Variants in LRRC37A2 observed in about 807,000 individuals in gnomAD.
The protein encoded by LRRC37A2 is leucine rich repeat containing 37 member A2, also known as leucine-rich repeat-containing protein 37A2.
In LRRC37A2, 9 loss-of-function variants were observed where a neutral mutation model predicts 68.8. That is an observed-to-expected ratio of 0.13 (90% CI 0.08 to 0.23). The LOEUF is 0.23. Among genes scored for constraint, LRRC37A2 ranks in the 10% least tolerant of loss-of-function variants. The pLI is 1.00. For synonymous variants in LRRC37A2, 63 were observed against 367.6 expected, an observed-to-expected ratio of 0.17 and a Z score of 9.48; for missense variants, 168 against 950.4, an observed-to-expected ratio of 0.18 and a Z score of 10.82.
chr17:46,776,861 C>CG, the LRRC37A2 span, among the ~76,000 whole-genome samples: 1 of 152,122 alleles, frequency 6.6e-6, no homozygotes, highest in African/African-American at 2.4e-5. Flanking sequence ...ACTCGGAGAC[C>CG]CTTCCTCTGC....
intron 11 of LRRC37A2, chr17:46,553,109 G>A (rs1040031842): frequency 5.1e-6 from 2 of 388,630 alleles, no homozygotes; most frequent in African/African-American, 5.5e-5. Context: ...GTATAGGGGG[G>A]ATGCGTGTTG....
the LRRC37A2 span, chr17:46,773,791 G>A: frequency 6.2e-7 from 1 of 1,613,558 alleles, no homozygotes. Flanking sequence ...GCCACGCTGG[G>A]CATGATCTCG....
At chr17:47,042,327 A>AT in the LRRC37A2 span, among the ~76,000 whole-genome samples, 1 of 146,928 alleles carries the variant, frequency 6.8e-6, no homozygotes, top group African/African-American at 2.5e-5. Flanking sequence ...AACAGCTGGA[A>AT]TTACAGGCAA....
the LRRC37A2 span, among the ~76,000 whole-genome samples, chr17:46,963,450 T>TACAAGAATTGCTTGAACCTGGG: frequency 6.6e-6 from 1 of 151,314 alleles, no homozygotes; most frequent in Non-Finnish European, 1.5e-5. Context: ...GAGGCTGAGT[T>TACAAGAATTGCTTGAACCTGGG]ACAAGAATTG....
rs541043973 is a variant in LRRC37A2, at chr17:46,550,801, C to A, written c.4809+282C>A. ...TTTCTCCCACCCAAAACTATGTCAA[C>A]AATTGGATGTACTCATCAAGTCACC... On this transcript the variant is annotated intron_variant, in intron 11 of 14. Coordinates refer to ENST00000576629, the Ensembl canonical transcript of LRRC37A2. 8.3e-5 allele frequency among the ~76,000 whole-genome samples: 9 copies of A among 108,276 alleles called. 2 individuals carry two copies. Among genetic ancestry groups the A allele is most frequent in the African/African-American group, 2.4e-4 (7 of 28,758 alleles). The allele number at this position is 108,276 out of a possible 152,430, so 71.0% of individuals were successfully genotyped here. A position where few individuals can be genotyped will look rare whatever the true frequency, so the allele number is the denominator to read the frequency against.
chr17:46,575,083 C>T, the LRRC37A2 span, among the ~76,000 whole-genome samples: 3 of 82,452 alleles, frequency 3.6e-5, no homozygotes, highest in Admixed American at 1.2e-4. Flanking sequence ...GGTGACAGAG[C>T]GAGACTCTAT....
At chr17:46,456,089 T>A in the LRRC37A2 span, among the ~76,000 whole-genome samples, 1 of 91,510 alleles carries the variant, frequency 1.1e-5, no homozygotes, top group African/African-American at 4.1e-5. Flanking sequence ...TGAAAACATA[T>A]GGTATTTGAT....
At chr17:47,001,580 ACAAT>A in the LRRC37A2 span, among the ~76,000 whole-genome samples, 5 of 152,136 alleles carry the variant, frequency 3.3e-5, no homozygotes, top group African/African-American at 1.2e-4. Context: ...AATCATTATC[ACAAT>A]CAAGATAGTG....
chr17:46,937,860 A>C, the LRRC37A2 span: 1 of 152,502 alleles, frequency 6.6e-6, no homozygotes, highest in Non-Finnish European at 1.5e-5. Flanking sequence ...CATTGTTTTC[A>C]GTATGTATTT....
chr17:46,838,085 C>A, the LRRC37A2 span, among the ~76,000 whole-genome samples: 2 of 152,148 alleles, frequency 1.3e-5, no homozygotes, highest in African/African-American at 4.8e-5. Flanking sequence ...TTTGCATTTT[C>A]TGCCCCCTCT....
chr17:46,946,460 TCAA>T, the LRRC37A2 span, among the ~76,000 whole-genome samples: 1 of 63,602 alleles, frequency 1.6e-5, no homozygotes. Flanking sequence ...AAACTCCGTC[TCAA>T]AAAAAAAAAA....
At chr17:46,726,599 C>T in the LRRC37A2 span, 2 of 1,613,908 alleles carry the variant, frequency 1.2e-6, no homozygotes, top group South Asian at 1.1e-5. Context: ...TTGTGGATGA[C>T]ATTGAGAGAT....
the LRRC37A2 span, among the ~76,000 whole-genome samples, chr17:46,980,316 T>C: frequency 6.6e-6 from 1 of 151,602 alleles, no homozygotes; most frequent in Non-Finnish European, 1.5e-5. Context: ...TTTCTTTCCT[T>C]CTTCTTCCTT....
the LRRC37A2 span, among the ~76,000 whole-genome samples, chr17:46,839,955 TC>T: frequency 4.3e-4 from 64 of 150,408 alleles, no homozygotes; most frequent in Middle Eastern, 3.4e-3. Flanking sequence ...TTTCTTTCTT[TC>T]TTTCTTTCTT....
At chr17:46,858,618 C>T in the LRRC37A2 span, among the ~76,000 whole-genome samples, 1 of 152,142 alleles carries the variant, frequency 6.6e-6, no homozygotes, top group South Asian at 2.1e-4. Context: ...TTGCAGTTTA[C>T]AAATCACTTT....
chr17:46,679,323 G>A, the LRRC37A2 span, among the ~76,000 whole-genome samples: 3 of 139,976 alleles, frequency 2.1e-5, no homozygotes, highest in South Asian at 7.3e-4. Context: ...GATGTATTTT[G>A]CAATTAAAAG....
chr17:46,939,214 T>C, the LRRC37A2 span: 1 of 1,073,326 alleles, frequency 9.3e-7, no homozygotes, highest in Non-Finnish European at 1.1e-6. Context: ...CTCACAGCCA[T>C]TATATTAAAT....
the LRRC37A2 span, among the ~76,000 whole-genome samples, chr17:46,734,041 C>T: frequency 3.3e-5 from 5 of 152,310 alleles, no homozygotes; most frequent in South Asian, 8.3e-4. Flanking sequence ...TTGTTTTTAA[C>T]ATCAGCAGTC....
chr17:46,923,159 C>T, the LRRC37A2 span: 12 of 1,412,708 alleles, frequency 8.5e-6, no homozygotes, highest in Non-Finnish European at 9.8e-6. Context: ...CCGAGGAAGC[C>T]AGAGCCGGAG....
Sources: allele counts gnomAD v4.1 joint callset (sites outside exome capture counted in the v4.1 genomes callset), GRCh38; gene constraint gnomAD v4.1.1; transcripts MANE v1.5; gene names NCBI Gene and HGNC (gene_info 2026-07-23, HGNC 2026-07-21).